Variants in SCML2 observed in about 807,000 individuals in gnomAD.
SCML2 encodes the protein sex comb on midleg-like protein 2.
SCML2 carries 6 observed loss-of-function variants against 48.4 expected under a neutral mutation model. The ratio of observed to expected loss-of-function variants is 0.12; its 90% confidence interval spans 0.07 to 0.24. The LOEUF (loss-of-function observed/expected upper bound fraction) is 0.24, where lower values mean the gene tolerates loss of function less well. Among genes scored for constraint, SCML2 ranks in the 10% least tolerant of loss-of-function variants. The pLI is 1.00. For synonymous variants in SCML2, 181 were observed against 189.5 expected, an observed-to-expected ratio of 0.95 and a Z score of 0.37; for missense variants, 377 against 528.2, an observed-to-expected ratio of 0.71 and a Z score of 2.81.
chrX:18,273,730 G>A (rs1927535525), intron 7 of SCML2, among the ~76,000 whole-genome samples: 1 of 111,581 alleles, frequency 9.0e-6, no homozygotes, highest in Non-Finnish European at 1.9e-5. Context: ...TTACATCTCT[G>A]TTTTACTGCT....
At chrX:18,289,790 C>A (rs1056636796) in intron 7 of SCML2, among the ~76,000 whole-genome samples, 3 of 111,178 alleles carry the variant, frequency 2.7e-5, no homozygotes, top group Non-Finnish European at 5.7e-5. Flanking sequence ...TTACAGATAC[C>A]ACATACTCCT....
chrX:18,351,524 T>C (rs747786549), intron 1 of SCML2, among the ~76,000 whole-genome samples: 1 of 110,307 alleles, frequency 9.1e-6, no homozygotes, highest in Non-Finnish European at 1.9e-5. Flanking sequence ...TTTGTTCTTG[T>C]ATATCCTAAA....
intron 1 of SCML2, among the ~76,000 whole-genome samples, chrX:18,351,719 G>A (rs1057252921): frequency 1.8e-4 from 19 of 106,762 alleles, no homozygotes; most frequent in Non-Finnish European, 3.1e-4. Flanking sequence ...GCAAACAGCA[G>A]AGGATACTGC....
intron 7 of SCML2, among the ~76,000 whole-genome samples, chrX:18,300,993 C>T (rs752127954): frequency 2.0e-4 from 22 of 110,973 alleles, no homozygotes; most frequent in Non-Finnish European, 3.2e-4. Flanking sequence ...AAAACAAATC[C>T]ATAATTATAT....
Position 18,323,993 on chromosome X carries a change from A to C in SCML2, c.263T>G (p.Ile88Ser). 2 of 1,210,916 alleles carry C rather than the reference A, an allele frequency of 1.7e-6. No individual in the cohort carries two copies. The highest frequency in any genetic ancestry group is 2.2e-6 in the Non-Finnish European group (2 of 894,914). ...TCGTAACCGTAACCTGGCCCCAGTAATTCCAATAACCGTAGCAATACATAC... is the reference window on the plus strand; with the variant it reads ...TCGTAACCGTAACCTGGCCCCAGTACTTCCAATAACCGTAGCAATACATAC... ...TSVCIATVIG[I>S]TGARLRLRLD... Residue 88 changes from isoleucine to serine, a missense_variant, in exon 5 of 15, where the codon ATT (isoleucine) becomes AGT (serine). By Grantham distance (142) the Ile-to-Ser change is moderately radical. Transcript: ENST00000251900.
intron 7 of SCML2, among the ~76,000 whole-genome samples, chrX:18,295,984 C>T (rs773160106): frequency 3.6e-5 from 4 of 111,647 alleles, no homozygotes; most frequent in African/African-American, 6.5e-5. Context: ...CTATAAAAGC[C>T]AGTCCAAAAA....
At chrX:18,271,206 G>A (rs773691087) in intron 7 of SCML2, among the ~76,000 whole-genome samples, 12 of 111,057 alleles carry the variant, frequency 1.1e-4, no homozygotes, top group Non-Finnish European at 1.7e-4. Context: ...ATCCATTATT[G>A]CATGAAATCC....
chrX:18,309,810 A>C (rs192975874), intron 6 of SCML2, among the ~76,000 whole-genome samples: 1 of 111,123 alleles, frequency 9.0e-6, no homozygotes, highest in African/African-American at 3.3e-5. Context: ...TCAAAAAACT[A>C]CCTATCGGCT....
At chrX:18,288,511 T>C (rs1035156056) in intron 7 of SCML2, among the ~76,000 whole-genome samples, 1 of 111,231 alleles carries the variant, frequency 9.0e-6, no homozygotes, top group African/African-American at 3.3e-5. Context: ...TAAAACAATT[T>C]TTAGAAGTGA....
intron 7 of SCML2, among the ~76,000 whole-genome samples, chrX:18,286,020 C>G (rs1273310777): frequency 8.9e-6 from 1 of 111,975 alleles, no homozygotes; most frequent in Non-Finnish European, 1.9e-5. Context: ...TCAATGACTA[C>G]TGGCAATTAA....
In SCML2 at chrX:18,242,206, G is replaced by A. The variant is rs10521679; in HGVS notation, c.1974+233C>T. 9.3e-3 allele frequency among the ~76,000 whole-genome samples: 1,041 copies of A among 111,558 alleles called. 32 individuals carry two copies. Among genetic ancestry groups the A allele is most frequent in the Admixed American group, 0.073 (760 of 10,453 alleles). On this transcript the variant is annotated intron_variant, in intron 14 of 14. Coordinates refer to ENST00000251900, the MANE Select transcript of SCML2 (RefSeq NM_006089.3). ...CTGAGAGTTGCAATGCTGAATCATC[G>A]TATCTTGAGAAGTTGAAGCAGTTTG...
At chrX:18,266,762 G>C (rs1427561032) in intron 7 of SCML2, among the ~76,000 whole-genome samples, 1 of 111,694 alleles carries the variant, frequency 9.0e-6, no homozygotes, top group Non-Finnish European at 1.9e-5. Flanking sequence ...ATGTAAATCT[G>C]ACCCGCAATA....
intron 6 of SCML2, among the ~76,000 whole-genome samples, chrX:18,306,868 T>C (rs991041869): frequency 9.0e-6 from 1 of 110,877 alleles, no homozygotes; most frequent in African/African-American, 3.3e-5. Flanking sequence ...AGGGCCTCGC[T>C]ATGTTGGCCG....
At chrX:18,265,936 A>G (rs1218927736) in intron 7 of SCML2, 134 bp from the exon 8 acceptor site, 2 of 417,465 alleles carry the variant, frequency 4.8e-6, no homozygotes, top group Non-Finnish European at 8.0e-6. Context: ...ACTTAAAACT[A>G]AAAGTACCAT....
At chrX:18,291,067 A>G (rs1013607008) in intron 7 of SCML2, among the ~76,000 whole-genome samples, 3 of 112,105 alleles carry the variant, frequency 2.7e-5, no homozygotes, top group African/African-American at 9.7e-5. Flanking sequence ...TGAAAACGGA[A>G]AACGGCAAGA....
chrX:18,335,410 G>A (rs1397771591), intron 1 of SCML2, among the ~76,000 whole-genome samples: 1 of 111,162 alleles, frequency 9.0e-6, no homozygotes, highest in African/African-American at 3.3e-5. Context: ...AGGCTGAGGT[G>A]GGAAAATCAC....
intron 7 of SCML2, among the ~76,000 whole-genome samples, chrX:18,275,633 T>C (rs1442754364): frequency 7.1e-5 from 8 of 112,537 alleles, no homozygotes; most frequent in Admixed American, 6.6e-4. Context: ...GGGCCTACCA[T>C]ATAATGTGCA....
At chrX:18,347,012 T>C (rs895520431) in intron 1 of SCML2, among the ~76,000 whole-genome samples, 2 of 112,246 alleles carry the variant, frequency 1.8e-5, no homozygotes, top group East Asian at 2.8e-4. Flanking sequence ...CACAAGTATC[T>C]ATTCAATTCA....
intron 1 of SCML2, among the ~76,000 whole-genome samples, chrX:18,338,005 A>C (rs1466972989): frequency 8.9e-6 from 1 of 112,677 alleles, no homozygotes; most frequent in Non-Finnish European, 1.9e-5. Context: ...ACACTCTGAA[A>C]TAATGCATGG....
Sources: gnomAD v4.1 joint callset for allele counts (sites outside exome capture counted in the v4.1 genomes callset) on GRCh38, gnomAD v4.1.1 for gene constraint, MANE v1.5 for transcripts, NCBI Gene and HGNC (gene_info 2026-07-23, HGNC 2026-07-21) for gene names.